CTNND2: variants seen among roughly 807,000 people sequenced by gnomAD.
CTNND2 encodes catenin delta-2.
CTNND2 carries 22 observed loss-of-function variants against 144.4 expected under a neutral mutation model. That is an observed-to-expected ratio of 0.15 (90% CI 0.11 to 0.22). CTNND2 has a LOEUF of 0.22. Ranked by LOEUF, CTNND2 falls within the 10% of genes least tolerant of loss-of-function variation. CTNND2 has a pLI of 1.00. For synonymous variants in CTNND2, 751 were observed against 695.6 expected (o/e 1.08, Z -1.25); for missense variants, 1,353 against 1,618.8 (o/e 0.84, Z 2.82).
chr5:11,336,381 A>G (rs989093945), intron 9 of CTNND2, among the ~76,000 whole-genome samples: 1 of 152,172 alleles, frequency 6.6e-6, no homozygotes, highest in Non-Finnish European at 1.5e-5. Context: ...AAATACATAA[A>G]CACACAACCA....
chr5:11,527,910 G>T (rs1257720834), intron 3 of CTNND2, among the ~76,000 whole-genome samples: 1 of 152,102 alleles, frequency 6.6e-6, no homozygotes, highest in African/African-American at 2.4e-5. Flanking sequence ...TTTATGACTT[G>T]GGTACGGCGC....
intron 1 of CTNND2, among the ~76,000 whole-genome samples, chr5:11,737,129 C>T (rs10076098): frequency 0.069 from 10,462 of 152,116 alleles, 1,174 homozygotes; most frequent in African/African-American, 0.24. Context: ...GTGTATTTTT[C>T]GGCCTTTTGT....
chr5:11,331,480 T>C (rs1753135833), intron 9 of CTNND2, among the ~76,000 whole-genome samples: 1 of 152,234 alleles, frequency 6.6e-6, no homozygotes, highest in South Asian at 2.1e-4. Flanking sequence ...GGGTAATTTT[T>C]AATAAAATTT....
At chr5:11,761,293 C>T (rs1441460012) in intron 1 of CTNND2, among the ~76,000 whole-genome samples, 1 of 152,146 alleles carries the variant, frequency 6.6e-6, no homozygotes, top group Non-Finnish European at 1.5e-5. Context: ...AATAACAAAT[C>T]TACACATCAT....
At chr5:11,011,329 T>C (rs1741056472) in intron 18 of CTNND2, among the ~76,000 whole-genome samples, 1 of 152,202 alleles carries the variant, frequency 6.6e-6, no homozygotes, top group Admixed American at 6.5e-5. Context: ...TTCTCCCACC[T>C]CTGCCTCCCG....
chr5:11,754,729 ATTG>A (rs1395342191), intron 1 of CTNND2, among the ~76,000 whole-genome samples: 20 of 151,238 alleles, frequency 1.3e-4, no homozygotes, highest in African/African-American at 4.6e-4. Context: ...GTCTGTTTTG[ATTG>A]TTGTTGGTTT....
chr5:11,671,162 C>A (rs1783857460), intron 2 of CTNND2, among the ~76,000 whole-genome samples: 1 of 152,188 alleles, frequency 6.6e-6, no homozygotes, highest in South Asian at 2.1e-4. Flanking sequence ...GTCTGATGGG[C>A]ATTCCTTTGT....
At chr5:11,795,167 T>C (rs1036948687) in intron 1 of CTNND2, among the ~76,000 whole-genome samples, 1 of 152,104 alleles carries the variant, frequency 6.6e-6, no homozygotes, top group Admixed American at 6.6e-5. Context: ...CTGACTCCAA[T>C]GGAGGGCAAG....
intron 9 of CTNND2, among the ~76,000 whole-genome samples, chr5:11,238,115 T>C (rs1205157287): frequency 1.3e-5 from 2 of 152,224 alleles, no homozygotes; most frequent in African/African-American, 4.8e-5. Context: ...TGTACTGTCA[T>C]ACAAAGAAAT....
chr5:11,786,271 TAAGA>T (rs1389108623), intron 1 of CTNND2, among the ~76,000 whole-genome samples: 3 of 152,338 alleles, frequency 2.0e-5, no homozygotes, highest in Admixed American at 6.5e-5. Context: ...AAGTAAAGTG[TAAGA>T]CTGCCCTCTC....
At chr5:11,815,598 A>G (rs1468371697) in intron 1 of CTNND2, among the ~76,000 whole-genome samples, 1 of 152,192 alleles carries the variant, frequency 6.6e-6, no homozygotes, top group East Asian at 1.9e-4. Flanking sequence ...TAACTACTAC[A>G]CACTGTTGCA....
chr5:11,623,499 CTG>C (rs1780962492), intron 2 of CTNND2, among the ~76,000 whole-genome samples: 2 of 151,920 alleles, frequency 1.3e-5, no homozygotes, highest in African/African-American at 2.4e-5. Context: ...CCACATGAAA[CTG>C]TGAGTCCATT....
chr5:11,876,568 A>T (rs1735586356), intron 1 of CTNND2, among the ~76,000 whole-genome samples: 1 of 152,160 alleles, frequency 6.6e-6, no homozygotes, highest in South Asian at 2.1e-4. Flanking sequence ...TAAATATTTA[A>T]ACAAAAGAGA....
chr5:11,265,698 A>ATTTTT (rs5865929), intron 9 of CTNND2, among the ~76,000 whole-genome samples: 35 of 77,398 alleles, frequency 4.5e-4, no homozygotes, highest in Non-Finnish European at 5.6e-4. Context: ...TGTATTCTCT[A>ATTTTT]TTTTTTTTTT....
intron 2 of CTNND2, among the ~76,000 whole-genome samples, chr5:11,670,307 A>G (rs1305562536): frequency 6.6e-6 from 1 of 152,032 alleles, no homozygotes; most frequent in Non-Finnish European, 1.5e-5. Context: ...ATATCCTTGT[A>G]AATTTTCTGT....
At chr5:11,016,650 T>G (rs2149530619) in intron 18 of CTNND2, among the ~76,000 whole-genome samples, 1 of 152,322 alleles carries the variant, frequency 6.6e-6, no homozygotes, top group East Asian at 1.9e-4. Context: ...GTGGGTGCTG[T>G]GGGCAGTTGC....
chr5:11,427,273 T>G (rs1266385671), intron 3 of CTNND2, among the ~76,000 whole-genome samples: 1 of 148,722 alleles, frequency 6.7e-6, no homozygotes, highest in Non-Finnish European at 1.5e-5. Flanking sequence ...TTTTCCCATA[T>G]GCTTTTTTTT....
chr5:11,149,689 T>C (rs1456272052), intron 12 of CTNND2, among the ~76,000 whole-genome samples: 3 of 152,116 alleles, frequency 2.0e-5, no homozygotes, highest in African/African-American at 4.8e-5. Flanking sequence ...TCTGTCCTTT[T>C]ATGTAGCAGA....
At chr5:11,092,035 C>T (rs1750827328) in intron 15 of CTNND2, among the ~76,000 whole-genome samples, 1 of 152,128 alleles carries the variant, frequency 6.6e-6, no homozygotes, top group Non-Finnish European at 1.5e-5. Context: ...GTGAGTCTAC[C>T]GAGATCCCCC....
Sources: gnomAD v4.1 joint callset for allele counts (sites outside exome capture counted in the v4.1 genomes callset) on GRCh38, gnomAD v4.1.1 for gene constraint, MANE v1.5 for transcripts, NCBI Gene and HGNC (gene_info 2026-07-23, HGNC 2026-07-21) for gene names.